The following UBE2W variants were observed in gnomAD, a reference collection of about 807,000 sequenced individuals.
UBE2W encodes ubiquitin conjugating enzyme E2 W.
UBE2W carries 18 observed loss-of-function variants against 27.2 expected under a neutral mutation model. That is an observed-to-expected ratio of 0.66 (90% CI 0.46 to 0.98). The LOEUF (loss-of-function observed/expected upper bound fraction) is 0.98, where lower values mean the gene tolerates loss of function less well. Ranked by LOEUF, UBE2W falls within the 50% of genes least tolerant of loss-of-function variation. UBE2W has a pLI of 0.00. For synonymous variants in UBE2W, 53 were observed against 57.2 expected, an observed-to-expected ratio of 0.93 and a Z score of 0.33; for missense variants, 90 against 180.2, an observed-to-expected ratio of 0.50 and a Z score of 2.87.
intron 3 of UBE2W, among the ~76,000 whole-genome samples, chr8:73,818,557 G>A (rs1809484081): frequency 6.6e-6 from 1 of 152,182 alleles, no homozygotes; most frequent in Non-Finnish European, 1.5e-5. Flanking sequence ...TATATAATCT[G>A]TGATGACCGC....
chr8:73,853,151 T>C (rs942837678), intron 1 of UBE2W, among the ~76,000 whole-genome samples: 1 of 152,202 alleles, frequency 6.6e-6, no homozygotes, highest in African/African-American at 2.4e-5. Flanking sequence ...GAAGGTGCCA[T>C]TCTGGACTAC....
intron 3 of UBE2W, among the ~76,000 whole-genome samples, chr8:73,812,307 C>G (rs900249617): frequency 6.6e-6 from 1 of 151,474 alleles, no homozygotes; most frequent in African/African-American, 2.4e-5. Context: ...TTGCAGAAGA[C>G]TCCCTGAAAG....
In UBE2W at chr8:73,789,690, T is replaced by A. The variant is rs1338010016; in HGVS notation, c.*4412A>T. 1 of 162,334 alleles carries A rather than the reference T, an allele frequency of 6.2e-6. No individual in the cohort carries two copies. The highest frequency in any genetic ancestry group is 2.4e-5 in the African/African-American group (1 of 41,486). The allele number at this position is 162,334 out of a possible 1,614,324, so 10.1% of individuals were successfully genotyped here. Reference sequence around the variant, plus strand: ...GTGAAACCTTGTCTCTACTAAAAATTAGTCAGGTGTGGCAGCACATGCCTG... The same window carrying A: ...GTGAAACCTTGTCTCTACTAAAAATAAGTCAGGTGTGGCAGCACATGCCTG... On this transcript the variant is annotated 3_prime_UTR_variant, in exon 6 of 6. Coordinates refer to ENST00000602593, the MANE Select transcript of UBE2W (RefSeq NM_018299.6).
rs1374431420 is a variant in UBE2W at position 73,787,645 on chromosome 8, G to A, written c.*6457C>T. The A allele has an allele frequency of 3.0e-6, 3 of 985,258 alleles. No homozygotes were observed. The highest frequency in any genetic ancestry group is 3.6e-6 in the Non-Finnish European group (3 of 829,936). The allele number at this position is 985,258 out of a possible 1,614,324, so 61.0% of individuals were successfully genotyped here. On this transcript the variant is annotated 3_prime_UTR_variant, in exon 6 of 6. Coordinates refer to ENST00000602593, the MANE Select transcript of UBE2W (RefSeq NM_018299.6). ...GAGCATATTTAATTCCTCCTGTCAG[G>A]AATAACAGATGCTGAGATAGCCCCT...
chr8:73,877,878 C>T (rs567236358), intron 1 of UBE2W, among the ~76,000 whole-genome samples: 41 of 152,204 alleles, frequency 2.7e-4, no homozygotes, highest in African/African-American at 9.9e-4. Flanking sequence ...TCCCTAGATT[C>T]GGGAAAAAGG....
chr8:73,815,211 T>TA (rs927379303), intron 3 of UBE2W, among the ~76,000 whole-genome samples: 12 of 151,646 alleles, frequency 7.9e-5, no homozygotes, highest in South Asian at 2.1e-4. Flanking sequence ...ATCCCATCTC[T>TA]AAAAAAAATA....
At chr8:73,874,012 T>C (rs1812113902) in intron 1 of UBE2W, among the ~76,000 whole-genome samples, 1 of 152,232 alleles carries the variant, frequency 6.6e-6, no homozygotes, top group Non-Finnish European at 1.5e-5. Flanking sequence ...ACAGCATATA[T>C]GTTAAAATTG....
intron 1 of UBE2W, among the ~76,000 whole-genome samples, chr8:73,872,213 CT>C (rs1029287734): frequency 2.0e-5 from 3 of 152,182 alleles, no homozygotes; most frequent in Non-Finnish European, 4.4e-5. Flanking sequence ...GGAAAAAATA[CT>C]TTCCCTCTAT....
chr8:73,783,161 C>T (rs755931841), downstream of UBE2W, among the ~76,000 whole-genome samples: 2 of 152,066 alleles, frequency 1.3e-5, no homozygotes, highest in Non-Finnish European at 2.9e-5. Flanking sequence ...ATAAATATAT[C>T]CTTTATCAGA....
At chr8:73,860,775 C>G (rs1334036402) in intron 1 of UBE2W, among the ~76,000 whole-genome samples, 1 of 151,946 alleles carries the variant, frequency 6.6e-6, no homozygotes, top group African/African-American at 2.4e-5. Context: ...TAAAAACAAA[C>G]AAACAAAAAA....
chr8:73,853,933 G>A (rs1811179022), intron 1 of UBE2W, among the ~76,000 whole-genome samples: 1 of 152,144 alleles, frequency 6.6e-6, no homozygotes, highest in African/African-American at 2.4e-5. Flanking sequence ...AAGATCGCTT[G>A]AGTCTAGGAG....
chr8:73,878,528 C>T (rs1361830955), intron 1 of UBE2W, among the ~76,000 whole-genome samples: 2 of 152,286 alleles, frequency 1.3e-5, no homozygotes, highest in Non-Finnish European at 1.5e-5. Flanking sequence ...ATTCTGAGAC[C>T]GCCAACGCCA....
intron 3 of UBE2W, among the ~76,000 whole-genome samples, chr8:73,817,760 G>A (rs1404813835): frequency 6.6e-6 from 1 of 152,194 alleles, no homozygotes; most frequent in Non-Finnish European, 1.5e-5. Context: ...TGATCTGCCT[G>A]CCTTGGCCTC....
intron 5 of UBE2W, among the ~76,000 whole-genome samples, chr8:73,794,634 G>T (rs1202097043): frequency 6.6e-6 from 1 of 152,038 alleles, no homozygotes. Flanking sequence ...GGACACGGTG[G>T]CTCACACCTG....
intron 3 of UBE2W, among the ~76,000 whole-genome samples, chr8:73,816,771 G>A (rs1213443838): frequency 6.6e-6 from 1 of 152,218 alleles, no homozygotes; most frequent in Non-Finnish European, 1.5e-5. Flanking sequence ...GGAGGCTCAA[G>A]CCTGTAATCC....
downstream of UBE2W, among the ~76,000 whole-genome samples, chr8:73,784,768 GTGGGTGGGATGC>G (rs930786013): frequency 3.3e-5 from 5 of 152,082 alleles, no homozygotes; most frequent in Non-Finnish European, 7.4e-5. Context: ...TTATTTCTTG[GTGGGTGGGATGC>G]TGGGGTAGTA....
At chr8:73,780,892 C>T (rs1807829090) in intron 4 of UBE2W, among the ~76,000 whole-genome samples, 1 of 152,058 alleles carries the variant, frequency 6.6e-6, no homozygotes, top group South Asian at 2.1e-4. Context: ...TAGGTTAATC[C>T]CTGTAAATGA....
At position 73,793,102 on chromosome 8, in the gene UBE2W, CT is replaced by C. The variant is rs1195568659; in HGVS notation, c.*999del. The C allele has an allele frequency of 1.0e-6, 1 of 985,622 alleles. No homozygotes were observed. Among genetic ancestry groups the C allele is most frequent in the Non-Finnish European group, 1.2e-6 (1 of 829,880 alleles). The allele number at this position is 985,622 out of a possible 1,614,324, so 61.1% of individuals were successfully genotyped here. A position where few individuals can be genotyped will look rare whatever the true frequency, so the allele number is the denominator to read the frequency against. On this transcript the variant is annotated 3_prime_UTR_variant, in exon 6 of 6. Transcript: ENST00000602593. ...AAAGTATTGTAACATTCAAACTTGA[CT>C]TATAACAAAAGAAACAAGATTGCAA...
downstream of UBE2W, among the ~76,000 whole-genome samples, chr8:73,785,037 C>G (rs920011767): frequency 1.1e-4 from 17 of 152,178 alleles, no homozygotes; most frequent in Admixed American, 2.6e-4. Flanking sequence ...GTCCCACAGT[C>G]CTTTGTACTG....
Sources: allele counts gnomAD v4.1 joint callset (sites outside exome capture counted in the v4.1 genomes callset), GRCh38; gene constraint gnomAD v4.1.1; transcripts MANE v1.5; gene names NCBI Gene and HGNC (gene_info 2026-07-23, HGNC 2026-07-21).